The following ADCY7 variants were observed in gnomAD, a reference collection of about 807,000 sequenced individuals.
ADCY7 encodes adenylate cyclase 7.
A neutral mutation model predicts 120.6 loss-of-function variants in ADCY7; 72 were observed. That is an observed-to-expected ratio of 0.60 (90% confidence interval 0.49 to 0.73). The LOEUF is 0.73. Ranked by LOEUF, ADCY7 falls within the 30% of genes least tolerant of loss-of-function variation. The pLI is 0.00. For synonymous variants in ADCY7, 661 were observed against 628.0 expected (o/e 1.05, Z -0.78); for missense variants, 1,227 against 1,486.0 (o/e 0.83, Z 2.87).
chr16:50,265,965 G>C (rs2033194849), upstream of ADCY7, among the ~76,000 whole-genome samples: 1 of 152,232 alleles, frequency 6.6e-6, no homozygotes, highest in Non-Finnish European at 1.5e-5. Context: ...GGTGCCCAGG[G>C]ATGTTGGGGG....
chr16:50,290,375 C>A, intron 2 of ADCY7, 82 bp from the exon 3 acceptor site: 1 of 1,491,206 alleles, frequency 6.7e-7, no homozygotes, highest in Non-Finnish European at 9.2e-7. Context: ...GTAAGTGAGG[C>A]AGCCGGCCCG....
chr16:50,270,606 G>A (rs1444766497), intron 1 of ADCY7, among the ~76,000 whole-genome samples: 2 of 152,198 alleles, frequency 1.3e-5, no homozygotes, highest in Non-Finnish European at 1.5e-5. Context: ...TGAGGCTCTC[G>A]TCTGCCTTGT....
At chr16:50,306,208 C>A (rs369299762) in intron 14 of ADCY7, among the ~76,000 whole-genome samples, 24 of 152,216 alleles carry the variant, frequency 1.6e-4, no homozygotes, top group African/African-American at 5.8e-4. Context: ...TTATCAGTGT[C>A]CTGTCTTGCT....
At chr16:50,250,212 C>T (rs1032350203) in intron 1 of ADCY7, among the ~76,000 whole-genome samples, 1 of 152,086 alleles carries the variant, frequency 6.6e-6, no homozygotes, top group Non-Finnish European at 1.5e-5. Context: ...TTCCAGCACA[C>T]TGGGAGGCCG....
chr16:50,266,089 T>C (rs1331827899), upstream of ADCY7, among the ~76,000 whole-genome samples: 1 of 151,952 alleles, frequency 6.6e-6, no homozygotes, highest in Non-Finnish European at 1.5e-5. Context: ...GGCTGGAAGA[T>C]CTTTGACCTC....
In ADCY7 at chr16:50,308,664, C is replaced by T. The variant is rs769637867; in HGVS notation, c.1936-3C>T. The T allele has an allele frequency of 2.5e-6, 4 of 1,610,374 alleles. No homozygotes were observed. The highest frequency in any genetic ancestry group is 3.4e-6 in the Non-Finnish European group (4 of 1,178,288). On this transcript the variant is annotated splice_polypyrimidine_tract_variant and splice_region_variant and intron_variant, in intron 16 of 25. Coordinates refer to ENST00000673801, the MANE Select transcript of ADCY7 (RefSeq NM_001114.5). ...TGGGTGACTTGACCCTGTTACCCCA[C>T]AGAGGTGCTGCCCAGCTCGGGGGAC...
intron 1 of ADCY7, among the ~76,000 whole-genome samples, chr16:50,253,589 C>G (rs763299357): frequency 1.6e-4 from 24 of 152,220 alleles, no homozygotes; most frequent in Non-Finnish European, 3.4e-4. Flanking sequence ...GTGGTGCCCT[C>G]AGGCTGGACC....
At chr16:50,291,414 G>A (rs2034953206) in intron 3 of ADCY7, among the ~76,000 whole-genome samples, 1 of 152,090 alleles carries the variant, frequency 6.6e-6, no homozygotes, top group African/African-American at 2.4e-5. Context: ...TCAGCCTCCC[G>A]GTAATCATTT....
intron 19 of ADCY7, 130 bp from the exon 20 acceptor site, chr16:50,311,563 T>C (rs184312234): frequency 3.4e-4 from 214 of 631,104 alleles, no homozygotes; most frequent in African/African-American, 3.3e-3. Flanking sequence ...CAAAGTTGTC[T>C]TGTTTTCTAC....
chr16:50,264,658 G>A (rs1201674941), upstream of ADCY7, among the ~76,000 whole-genome samples: 1 of 152,098 alleles, frequency 6.6e-6, no homozygotes, highest in Non-Finnish European at 1.5e-5. Context: ...AGCCATTCTA[G>A]TGGTACAGTG....
chr16:50,270,521 T>C (rs142966150), intron 1 of ADCY7, among the ~76,000 whole-genome samples: 56 of 152,290 alleles, frequency 3.7e-4, no homozygotes, highest in African/African-American at 1.3e-3. Context: ...AAAGATTAAA[T>C]GAGCTGATGC....
chr16:50,281,383 T>TGCGGC (rs1475888558), intron 1 of ADCY7, among the ~76,000 whole-genome samples: 262 of 143,952 alleles, frequency 1.8e-3, no homozygotes, highest in Admixed American at 4.2e-3. Flanking sequence ...CTGTGGCAGG[T>TGCGGC]AAGGCAGGTG....
At chr16:50,303,966 C>T (rs2035897946) in intron 10 of ADCY7, among the ~76,000 whole-genome samples, 1 of 152,056 alleles carries the variant, frequency 6.6e-6, no homozygotes, top group African/African-American at 2.4e-5. Flanking sequence ...TGCTCAGGCC[C>T]CAGGGACTCT....
In ADCY7 at chr16:50,313,953, T is replaced by G. The variant is rs761219715; in HGVS notation, c.2752-5T>G. 3.1e-6 allele frequency: 5 copies of G among 1,611,132 alleles called. No homozygotes were observed. The African/African-American group carries it at 6.7e-5, about 22-fold the overall frequency. On this transcript the variant is annotated splice_polypyrimidine_tract_variant and splice_region_variant and intron_variant, in intron 22 of 25. Coordinates refer to ENST00000673801, the MANE Select transcript of ADCY7 (RefSeq NM_001114.5). ...GCTGCTTCACCGCTTCCTTCTTGCC[T>G]GCAGCTCCTACTGAAGCCCAAGTTC...
At chr16:50,294,375 G>A (rs1243567919) in intron 6 of ADCY7, among the ~76,000 whole-genome samples, 1 of 152,204 alleles carries the variant, frequency 6.6e-6, no homozygotes, top group Non-Finnish European at 1.5e-5. Flanking sequence ...TCGGCTGTCT[G>A]CAGTGATAGG....
chr16:50,308,176 C>A, intron 15 of ADCY7, 151 bp from the exon 16 acceptor site: 1 of 1,302,054 alleles, frequency 7.7e-7, no homozygotes. Flanking sequence ...GCCCATGGGG[C>A]AGCTGGGCCA....
chr16:50,252,488 G>T (rs1409369183), intron 1 of ADCY7, among the ~76,000 whole-genome samples: 4 of 152,218 alleles, frequency 2.6e-5, no homozygotes, highest in African/African-American at 4.8e-5. Flanking sequence ...TGCCTGGGTA[G>T]GCATTGTTTG....
chr16:50,252,596 T>A (rs1469181139), intron 1 of ADCY7, among the ~76,000 whole-genome samples: 1 of 152,054 alleles, frequency 6.6e-6, no homozygotes, highest in Non-Finnish European at 1.5e-5. Context: ...TGGCAGGAGC[T>A]CACCTTGGTG....
At chr16:50,265,899 G>A (rs2033192432), upstream of ADCY7, among the ~76,000 whole-genome samples, 1 of 152,238 alleles carries the variant, frequency 6.6e-6, no homozygotes, top group Admixed American at 6.5e-5. Flanking sequence ...ATCCCAGTGG[G>A]GAAACTGAGG....
Sources: allele counts gnomAD v4.1 joint callset (sites outside exome capture counted in the v4.1 genomes callset), GRCh38; gene constraint gnomAD v4.1.1; transcripts MANE v1.5; gene names NCBI Gene and HGNC (gene_info 2026-07-23, HGNC 2026-07-21).